The following THSD7B variants were observed in gnomAD, a reference collection of about 807,000 sequenced individuals.
THSD7B encodes thrombospondin type 1 domain containing 7B.
THSD7B carries 138 observed loss-of-function variants against 213.6 expected under a neutral mutation model. That is an observed-to-expected ratio of 0.65 (90% confidence interval 0.56 to 0.74). THSD7B has a LOEUF of 0.74. Ranked by LOEUF, THSD7B falls within the 30% of genes least tolerant of loss-of-function variation. The pLI is 0.00. For synonymous variants in THSD7B, 742 were observed against 687.0 expected (o/e 1.08, Z -1.25); for missense variants, 1,931 against 1,991.5 (o/e 0.97, Z 0.58).
intron 12 of THSD7B, among the ~76,000 whole-genome samples, chr2:137,331,908 GC>G (rs1016648367): frequency 1.3e-5 from 2 of 152,114 alleles, no homozygotes; most frequent in South Asian, 2.1e-4. Flanking sequence ...CCAAGTGCGG[GC>G]CCGCCAAGCC....
chr2:136,891,152 A>G (rs185909588), intron 2 of THSD7B, among the ~76,000 whole-genome samples: 17 of 152,016 alleles, frequency 1.1e-4, no homozygotes, highest in African/African-American at 4.1e-4. Context: ...TTTCATTCAG[A>G]GGATATTAAG....
chr2:137,316,071 T>C (rs117694484), intron 12 of THSD7B, among the ~76,000 whole-genome samples: 1 of 152,382 alleles, frequency 6.6e-6, no homozygotes, highest in East Asian at 1.9e-4. Context: ...ATCACAGAAT[T>C]ATTACTTGGG....
chr2:137,618,385 C>A lies in THSD7B; in HGVS notation c.3566-7C>A. 1 of 1,612,722 alleles carries A rather than the reference C, an allele frequency of 6.2e-7. No individual in the cohort carries two copies. The highest frequency in any genetic ancestry group is 8.5e-7 in the Non-Finnish European group (1 of 1,179,078). ...GAAACTCAGTGTGGGTGATCCTATGCCTGTAGAGTGGAGCACATGCCAGCT... is the reference window on the plus strand; with the variant it reads ...GAAACTCAGTGTGGGTGATCCTATGACTGTAGAGTGGAGCACATGCCAGCT... On this transcript the variant is annotated splice_region_variant and splice_polypyrimidine_tract_variant and intron_variant, in intron 18 of 27. Coordinates refer to ENST00000409968, the MANE Select transcript of THSD7B (RefSeq NM_001316349.2).
At chr2:137,004,912 C>A (rs568593716) in intron 2 of THSD7B, among the ~76,000 whole-genome samples, 221 of 152,244 alleles carry the variant, frequency 1.5e-3, no homozygotes, top group African/African-American at 5.2e-3. Flanking sequence ...AAGAGGTAAA[C>A]TATTTTATTG....
At chr2:137,286,537 G>A (rs1474336427) in intron 12 of THSD7B, among the ~76,000 whole-genome samples, 6 of 152,098 alleles carry the variant, frequency 3.9e-5, no homozygotes, top group Middle Eastern at 3.2e-3. Flanking sequence ...GTCACTTAAC[G>A]TTTGAGCTGC....
At chr2:137,356,565 C>A (rs144973365) in intron 12 of THSD7B, among the ~76,000 whole-genome samples, 2 of 152,318 alleles carry the variant, frequency 1.3e-5, no homozygotes, top group East Asian at 3.9e-4. Context: ...CTTGCCATGA[C>A]TTGCTTTGGC....
chr2:137,542,632 A>G (rs535169193), intron 15 of THSD7B, among the ~76,000 whole-genome samples: 1 of 151,842 alleles, frequency 6.6e-6, no homozygotes, highest in South Asian at 2.1e-4. Flanking sequence ...AGGGTATACC[A>G]TATGTTCAGA....
At chr2:137,150,674 G>A (rs977120352) in intron 5 of THSD7B, among the ~76,000 whole-genome samples, 11 of 152,244 alleles carry the variant, frequency 7.2e-5, no homozygotes, top group African/African-American at 2.6e-4. Context: ...ACAGGAACAT[G>A]GGAATGGACT....
At chr2:137,297,989 CA>C (rs1287837433) in intron 12 of THSD7B, among the ~76,000 whole-genome samples, 1 of 151,994 alleles carries the variant, frequency 6.6e-6, no homozygotes, top group Non-Finnish European at 1.5e-5. Flanking sequence ...AAAGAATACC[CA>C]AAAACTTTGG....
intron 2 of THSD7B, among the ~76,000 whole-genome samples, chr2:136,897,687 T>A (rs1683985238): frequency 1.3e-5 from 2 of 152,266 alleles, no homozygotes; most frequent in South Asian, 2.1e-4. Flanking sequence ...TCCTGCTGAT[T>A]GGACCATTTT....
chr2:136,905,919 C>G (rs73957709), intron 2 of THSD7B, among the ~76,000 whole-genome samples: 1 of 152,230 alleles, frequency 6.6e-6, no homozygotes, highest in Admixed American at 6.5e-5. Flanking sequence ...TCTTGAACAC[C>G]GGGTGAGGAA....
chr2:137,214,026 G>C (rs1681178934), intron 7 of THSD7B, among the ~76,000 whole-genome samples: 1 of 152,036 alleles, frequency 6.6e-6, no homozygotes, highest in African/African-American at 2.4e-5. Flanking sequence ...AATAATAATG[G>C]TAATAAATTT....
chr2:137,262,595 G>T (rs1682478802), intron 10 of THSD7B, among the ~76,000 whole-genome samples: 1 of 152,156 alleles, frequency 6.6e-6, no homozygotes, highest in African/African-American at 2.4e-5. Context: ...TACCCTTTAT[G>T]ATAGACTTAG....
At chr2:136,994,229 A>G (rs1337145599) in intron 2 of THSD7B, among the ~76,000 whole-genome samples, 2 of 152,180 alleles carry the variant, frequency 1.3e-5, no homozygotes, top group East Asian at 1.9e-4. Flanking sequence ...AGAGAAAAGC[A>G]TGAAGAGGTT....
intron 17 of THSD7B, among the ~76,000 whole-genome samples, chr2:137,585,862 G>A (rs150955862): frequency 6.6e-6 from 1 of 152,026 alleles, no homozygotes; most frequent in East Asian, 1.9e-4. Context: ...GGTCCGCTTG[G>A]TGCAGAGCTG....
At chr2:137,477,592 G>A (rs147177199) in intron 15 of THSD7B, among the ~76,000 whole-genome samples, 2,364 of 150,874 alleles carry the variant, frequency 0.016, 30 homozygotes, top group South Asian at 0.039. Context: ...GTTTTGTTTC[G>A]TCTTTGTTCC....
intron 7 of THSD7B, among the ~76,000 whole-genome samples, chr2:137,175,538 C>T (rs895487653): frequency 1.3e-5 from 2 of 152,146 alleles, no homozygotes; most frequent in Admixed American, 6.5e-5. Context: ...TATATTTGCA[C>T]GGCACTAGGA....
chr2:137,305,024 G>A (rs1169258375), intron 12 of THSD7B, among the ~76,000 whole-genome samples: 3 of 151,994 alleles, frequency 2.0e-5, no homozygotes, highest in African/African-American at 7.2e-5. Context: ...CTTAGATTTA[G>A]TTCTACTTTT....
At chr2:137,589,656 G>T (rs1681822348) in intron 17 of THSD7B, among the ~76,000 whole-genome samples, 1 of 151,986 alleles carries the variant, frequency 6.6e-6, no homozygotes. Flanking sequence ...GCATATTTGG[G>T]GTCTGGTTTC....
Sources: gnomAD v4.1 joint callset for allele counts (sites outside exome capture counted in the v4.1 genomes callset) on GRCh38, gnomAD v4.1.1 for gene constraint, MANE v1.5 for transcripts, NCBI Gene and HGNC (gene_info 2026-07-23, HGNC 2026-07-21) for gene names.